The following TMEM117 variants were observed in gnomAD, a reference collection of about 807,000 sequenced individuals.
The protein encoded by TMEM117 is transmembrane protein 117.
TMEM117 carries 27 observed loss-of-function variants against 52.4 expected under a neutral mutation model. The observed-to-expected ratio is 0.51, with a 90% CI of 0.38 to 0.71. The LOEUF (loss-of-function observed/expected upper bound fraction) is 0.71. Ranked by LOEUF, TMEM117 falls within the 30% of genes least tolerant of loss-of-function variation. The pLI is 0.00. For missense variants in TMEM117, 556 were observed against 630.5 expected (o/e 0.88, Z 1.26); for synonymous variants, 215 against 206.3 (o/e 1.04, Z -0.36).
At chr12:43,805,243 A>T in the TMEM117 span, among the ~76,000 whole-genome samples, 1 of 152,192 alleles carries the variant, frequency 6.6e-6, no homozygotes, top group Non-Finnish European at 1.5e-5. Flanking sequence ...TGCTTGCTAT[A>T]AGGCTCAAGC....
intron 2 of TMEM117, among the ~76,000 whole-genome samples, chr12:43,859,822 T>C (rs538096443): frequency 2.0e-5 from 3 of 152,346 alleles, no homozygotes; most frequent in African/African-American, 7.2e-5. Context: ...TCCCATCATA[T>C]ACTGAACATA....
chr12:44,120,060 AG>A (rs2138135023), intron 3 of TMEM117, among the ~76,000 whole-genome samples: 1 of 152,214 alleles, frequency 6.6e-6, no homozygotes, highest in Admixed American at 6.5e-5. Flanking sequence ...AACTCAAAGG[AG>A]AGGTTAGAGA....
intron 3 of TMEM117, among the ~76,000 whole-genome samples, chr12:43,974,501 A>G (rs886423932): frequency 1.3e-5 from 2 of 152,268 alleles, no homozygotes; most frequent in South Asian, 2.1e-4. Context: ...TTTCTTTCAC[A>G]TGTTTTAAGA....
chr12:44,106,286 T>A (rs34160314), intron 3 of TMEM117, among the ~76,000 whole-genome samples: 1 of 152,032 alleles, frequency 6.6e-6, no homozygotes, highest in Non-Finnish European at 1.5e-5. Context: ...GAAAACCTTG[T>A]CTATTATTTA....
intron 2 of TMEM117, among the ~76,000 whole-genome samples, chr12:43,895,919 G>A (rs1378716647): frequency 5.3e-5 from 8 of 152,066 alleles, no homozygotes; most frequent in African/African-American, 1.7e-4. Flanking sequence ...TGCTGATGAA[G>A]GCTGTAAGAC....
intron 3 of TMEM117, among the ~76,000 whole-genome samples, chr12:44,001,228 C>A (rs1002009107): frequency 6.6e-6 from 1 of 152,282 alleles, no homozygotes; most frequent in South Asian, 2.1e-4. Flanking sequence ...TCACATTTAA[C>A]CCTAAAATGG....
chr12:43,972,782 C>T (rs918965706), intron 3 of TMEM117, among the ~76,000 whole-genome samples: 30 of 152,146 alleles, frequency 2.0e-4, no homozygotes, highest in African/African-American at 7.2e-4. Context: ...ATTTTACAAA[C>T]CTCTAGCTAG....
chr12:44,129,405 C>T (rs1016947921), intron 3 of TMEM117, among the ~76,000 whole-genome samples: 2 of 152,170 alleles, frequency 1.3e-5, no homozygotes, highest in East Asian at 3.9e-4. Flanking sequence ...CTTTTCCTCC[C>T]TGGTGATCAG....
At chr12:44,085,156 T>A (rs980262534) in intron 3 of TMEM117, among the ~76,000 whole-genome samples, 2 of 152,248 alleles carry the variant, frequency 1.3e-5, no homozygotes, top group African/African-American at 4.8e-5. Context: ...TTATTTTGAA[T>A]GTACAAACAT....
intron 2 of TMEM117, among the ~76,000 whole-genome samples, chr12:43,912,512 T>C (rs1391293347): frequency 4.7e-4 from 7 of 14,960 alleles, no homozygotes; most frequent in Admixed American, 2.3e-3. Flanking sequence ...ATAATTTATA[T>C]ATATATATAT....
intron 1 of TMEM117, among the ~76,000 whole-genome samples, chr12:43,838,350 C>T (rs1217913842): frequency 1.3e-5 from 2 of 151,822 alleles, no homozygotes; most frequent in Non-Finnish European, 2.9e-5. Context: ...CTCCCCACCC[C>T]CACATCCCCA....
chr12:44,178,043 T>G (rs1949140280), intron 4 of TMEM117, among the ~76,000 whole-genome samples: 1 of 152,212 alleles, frequency 6.6e-6, no homozygotes, highest in African/African-American at 2.4e-5. Flanking sequence ...GTATTTTTTT[T>G]CAGGACAAGC....
At chr12:44,124,731 C>G (rs1021899456) in intron 3 of TMEM117, among the ~76,000 whole-genome samples, 1 of 152,166 alleles carries the variant, frequency 6.6e-6, no homozygotes, top group Non-Finnish European at 1.5e-5. Context: ...GTTGAACCAG[C>G]CTTGCATCCC....
intron 4 of TMEM117, among the ~76,000 whole-genome samples, chr12:44,151,616 G>A (rs965115446): frequency 4.1e-5 from 6 of 145,984 alleles, no homozygotes; most frequent in African/African-American, 1.5e-4. Context: ...ATAAAGCCCA[G>A]GAGGCATTGA....
intron 3 of TMEM117, among the ~76,000 whole-genome samples, chr12:44,084,112 A>G (rs1031792897): frequency 1.3e-5 from 2 of 152,186 alleles, no homozygotes; most frequent in Non-Finnish European, 2.9e-5. Flanking sequence ...AGACTAAATC[A>G]TATATATAGA....
chr12:44,164,954 G>A (rs1164859634), intron 4 of TMEM117, among the ~76,000 whole-genome samples: 1 of 152,058 alleles, frequency 6.6e-6, no homozygotes, highest in East Asian at 1.9e-4. Flanking sequence ...TGGCTATTTT[G>A]AAATATACAA....
chr12:43,843,393 G>A (rs1052534167), intron 1 of TMEM117, among the ~76,000 whole-genome samples: 4 of 152,170 alleles, frequency 2.6e-5, no homozygotes, highest in African/African-American at 9.6e-5. Context: ...TACAAGCCCT[G>A]GTGGACCCAG....
chr12:44,262,996 A>G (rs1950337928), intron 5 of TMEM117, among the ~76,000 whole-genome samples: 1 of 152,128 alleles, frequency 6.6e-6, no homozygotes. Context: ...TCTGTGCTCT[A>G]TTTTTTATGC....
At chr12:43,809,221 T>TG in the TMEM117 span, among the ~76,000 whole-genome samples, 1 of 152,270 alleles carries the variant, frequency 6.6e-6, no homozygotes, top group African/African-American at 2.4e-5. Context: ...CCATCCATCT[T>TG]GTTTCTTCTC....
Sources: allele counts gnomAD v4.1 joint callset (sites outside exome capture counted in the v4.1 genomes callset), GRCh38; gene constraint gnomAD v4.1.1; transcripts MANE v1.5; gene names NCBI Gene and HGNC (gene_info 2026-07-23, HGNC 2026-07-21).